The following IGF1R variants were observed in gnomAD, a reference collection of about 807,000 sequenced individuals.
The protein encoded by IGF1R is insulin-like growth factor 1 receptor.
A neutral mutation model predicts 144.6 loss-of-function variants in IGF1R; 44 were observed. The observed-to-expected ratio is 0.30, with a 90% CI of 0.24 to 0.39. IGF1R has a LOEUF of 0.39. Among genes scored for constraint, IGF1R ranks in the 10% least tolerant of loss-of-function variants. The pLI is 1.00. For missense variants in IGF1R, 1,355 were observed against 1,833.7 expected (o/e 0.74, Z 4.77); for synonymous variants, 795 against 722.8 (o/e 1.10, Z -1.60).
At chr15:98,933,403 G>A (rs1316497839) in intron 15 of IGF1R, among the ~76,000 whole-genome samples, 1 of 151,802 alleles carries the variant, frequency 6.6e-6, no homozygotes, top group Non-Finnish European at 1.5e-5. Context: ...GAGTGCAGTG[G>A]TGCAGTCTCA....
Position 98,908,724 on chromosome 15 carries a change from G to A in IGF1R, c.1287G>A (p.Gln429=), listed in dbSNP as rs2151670124. The A allele has an allele frequency of 6.2e-7, 1 of 1,614,114 alleles. No individual in the cohort carries two copies. The highest frequency in any genetic ancestry group is 2.2e-5 in the East Asian group (1 of 44,874). The part of the protein sequence containing the change: ...SFYVLDNQNL[Q]QLWDWDHRNL... ...ACGTCCTCGACAACCAGAACTTGCAGCAACTGTGGGACTGGGACCACCGCA... is the reference window on the plus strand; with the variant it reads ...ACGTCCTCGACAACCAGAACTTGCAACAACTGTGGGACTGGGACCACCGCA... Residue 429 remains glutamine (Q), a synonymous_variant, in exon 6 of 21, where the codon CAG becomes CAA. Transcript: ENST00000650285.
chr15:98,685,848 C>T (rs1181417387), intron 1 of IGF1R, among the ~76,000 whole-genome samples: 1 of 152,210 alleles, frequency 6.6e-6, no homozygotes, highest in African/African-American at 2.4e-5. Context: ...CTGTCAGTGT[C>T]TGAAACCATT....
At chr15:98,937,077 G>A (rs578187855) in intron 17 of IGF1R, among the ~76,000 whole-genome samples, 1 of 152,216 alleles carries the variant, frequency 6.6e-6, no homozygotes, top group South Asian at 2.1e-4. Context: ...GTAGAGACGG[G>A]GTTTCACCAT....
chr15:98,822,675 G>C (rs932411653), intron 2 of IGF1R, among the ~76,000 whole-genome samples: 2 of 152,248 alleles, frequency 1.3e-5, no homozygotes, highest in African/African-American at 4.8e-5. Context: ...AATCGTGCTC[G>C]AACTCTCCAA....
chr15:98,714,880 G>C (rs548148994), intron 2 of IGF1R, among the ~76,000 whole-genome samples: 2 of 152,194 alleles, frequency 1.3e-5, no homozygotes, highest in Non-Finnish European at 2.9e-5. Flanking sequence ...TGTGTGGTCT[G>C]CTGCTGGTCT....
At chr15:98,662,838 A>C (rs2052632901) in intron 1 of IGF1R, among the ~76,000 whole-genome samples, 1 of 152,202 alleles carries the variant, frequency 6.6e-6, no homozygotes, top group African/African-American at 2.4e-5. Context: ...TGTGGGTGGC[A>C]GTGTGCACTG....
intron 1 of IGF1R, among the ~76,000 whole-genome samples, chr15:98,682,219 C>G (rs548557336): frequency 1.3e-5 from 2 of 152,272 alleles, no homozygotes; most frequent in Admixed American, 1.3e-4. Flanking sequence ...TATTAGGACT[C>G]TTTGGTCTCC....
At position 98,958,534 on chromosome 15, in the gene IGF1R, A is replaced by G. The variant is rs2017103441; in HGVS notation, c.*1092A>G. ...ACAGCAGTAAGAAGAAAAGCAGTCA[A>G]TGGATTCAAGCATTCTAAGCTTTGT... On this transcript the variant is annotated 3_prime_UTR_variant, in exon 21 of 21. Coordinates refer to ENST00000650285, the MANE Select transcript of IGF1R (RefSeq NM_000875.5). 3.0e-5 allele frequency: 7 copies of G among 232,786 alleles called. No individual in the cohort carries two copies. Among genetic ancestry groups the G allele is most frequent in the African/African-American group, 4.4e-5 (2 of 45,320 alleles). 14.4% of individuals were successfully genotyped at this position (232,786 alleles called of 1,614,324 possible). A position where few individuals can be genotyped will look rare whatever the true frequency, so the allele number is the denominator to read the frequency against.
At chr15:98,773,649 G>A (rs909366062) in intron 2 of IGF1R, among the ~76,000 whole-genome samples, 3 of 152,058 alleles carry the variant, frequency 2.0e-5, no homozygotes, top group African/African-American at 7.2e-5. Flanking sequence ...GCATTCGAGC[G>A]TCCTCCCCTC....
At chr15:98,910,755 C>T (rs1284654963) in intron 6 of IGF1R, among the ~76,000 whole-genome samples, 1 of 152,226 alleles carries the variant, frequency 6.6e-6, no homozygotes, top group Non-Finnish European at 1.5e-5. Context: ...TTTGTCAGCC[C>T]TAGCTGGAGG....
chr15:98,838,564 A>G (rs934755658), intron 2 of IGF1R, among the ~76,000 whole-genome samples: 3 of 152,210 alleles, frequency 2.0e-5, no homozygotes, highest in South Asian at 2.1e-4. Context: ...CCTGGAGCAC[A>G]TGACCTTTTC....
Position 98,938,822 on chromosome 15 carries a change from G to A in IGF1R, c.3298-379G>A, listed in dbSNP as rs186756468. 5.9e-5 allele frequency among the ~76,000 whole-genome samples: 9 copies of A among 152,204 alleles called. No homozygotes were observed. In the East Asian group the frequency reaches 1.2e-3, roughly 20 times the overall value. ...CTCTCCTTCCTCTTACCTGTACTTCGGTGATGGAAATAAAAGGAACATATA... is the reference window on the plus strand; with the variant it reads ...CTCTCCTTCCTCTTACCTGTACTTCAGTGATGGAAATAAAAGGAACATATA... On this transcript the variant is annotated intron_variant, in intron 17 of 20. Coordinates refer to ENST00000650285, the MANE Select transcript of IGF1R (RefSeq NM_000875.5).
rs191214107 is a variant in IGF1R at position 98,809,242 on chromosome 15, C to G, written c.641-82083C>G. Among the ~76,000 whole-genome samples the G allele has an allele frequency of 3.3e-5, 5 of 152,332 alleles. 1 individual carries two copies. In the East Asian group the frequency reaches 9.6e-4, roughly 29 times the overall value. On this transcript the variant is annotated intron_variant, in intron 2 of 20. Transcript: ENST00000650285. ...TATGGGTGGCACAGAGATTTGCTGT[C>G]TGGCTAGCAGTACTTCAGGGTACTG...
intron 1 of IGF1R, among the ~76,000 whole-genome samples, chr15:98,650,258 G>T (rs767952876): frequency 2.6e-5 from 4 of 152,226 alleles, no homozygotes; most frequent in Non-Finnish European, 2.9e-5. Context: ...GCCCGTCGCT[G>T]CCTCCCGTCG....
intron 15 of IGF1R, among the ~76,000 whole-genome samples, chr15:98,934,519 T>A (rs1328649845): frequency 2.0e-5 from 3 of 152,254 alleles, no homozygotes; most frequent in African/African-American, 7.2e-5. Context: ...AAGAAATTTT[T>A]AAAAACCAAC....
In IGF1R at chr15:98,704,008, C is replaced by CGGGTCACTTTTCGAAACTCA. The variant is rs1465664793; in HGVS notation, c.95-3551_95-3532dup. On this transcript the variant is annotated intron_variant, in intron 1 of 20. Coordinates refer to ENST00000650285, the MANE Select transcript of IGF1R (RefSeq NM_000875.5). This position sits in a 1 kb window ranked among gnomAD's most constrained non-coding sequence, Gnocchi z 4.9. ...AAATTCCACACCTGACCTCATGTGA[C>CGGGTCACTTTTCGAAACTCA]GGGTCACTTTTCGAAACTCAGGCAC... Among the ~76,000 whole-genome samples the CGGGTCACTTTTCGAAACTCA allele has an allele frequency of 1.3e-5, 2 of 152,088 alleles. No individual in the cohort carries two copies. Among genetic ancestry groups the CGGGTCACTTTTCGAAACTCA allele is most frequent in the Admixed American group, 6.5e-5 (1 of 15,270 alleles).
At chr15:98,675,913 C>T (rs1167029135) in intron 1 of IGF1R, among the ~76,000 whole-genome samples, 1 of 150,988 alleles carries the variant, frequency 6.6e-6, no homozygotes, top group Non-Finnish European at 1.5e-5. Context: ...GCAGCCTCCC[C>T]CTCCCCAGTC....
chr15:98,943,104 T>C (rs1374406742), intron 19 of IGF1R, 52 bp downstream of exon 19: 1 of 1,602,760 alleles, frequency 6.2e-7, no homozygotes, highest in Admixed American at 1.7e-5. Context: ...CCTCTGCACT[T>C]TCCACCAGCT....
At chr15:98,805,779 A>G (rs1364915800) in intron 2 of IGF1R, among the ~76,000 whole-genome samples, 2 of 152,170 alleles carry the variant, frequency 1.3e-5, no homozygotes, top group African/African-American at 4.8e-5. Flanking sequence ...CACATAAAGG[A>G]CTCTGAACTG....
Sources: allele counts gnomAD v4.1 joint callset (sites outside exome capture counted in the v4.1 genomes callset), GRCh38; gene constraint gnomAD v4.1.1; non-coding constraint Gnocchi (gnomAD v3.1); transcripts MANE v1.5; gene names NCBI Gene and HGNC (gene_info 2026-07-23, HGNC 2026-07-21).